The following TTYH1 variants were observed in gnomAD, a reference collection of about 807,000 sequenced individuals.
TTYH1 encodes protein tweety homolog 1.
In TTYH1, 33 loss-of-function variants were observed where a neutral mutation model predicts 61.2. The ratio of observed to expected loss-of-function variants is 0.54; its 90% CI spans 0.41 to 0.72. The LOEUF (loss-of-function observed/expected upper bound fraction) is 0.72. Ranked by LOEUF, TTYH1 falls within the 30% of genes least tolerant of loss-of-function variation. TTYH1 has a pLI of 0.00. For synonymous variants in TTYH1, 308 were observed against 266.4 expected, an observed-to-expected ratio of 1.16 and a Z score of -1.52; for missense variants, 538 against 575.8, an observed-to-expected ratio of 0.93 and a Z score of 0.67.
rs775532317 is a variant in TTYH1, at chr19:54,436,038, C to A, written c.1315-53C>A. 1.9e-6 allele frequency: 3 copies of A among 1,598,904 alleles called. No individual in the cohort carries two copies. Among genetic ancestry groups the A allele is most frequent in the Admixed American group, 1.7e-5 (1 of 59,894 alleles). On this transcript the variant is annotated intron_variant, in intron 12 of 13. Coordinates refer to ENST00000376530, the MANE Select transcript of TTYH1 (RefSeq NM_020659.4). This position sits in a 1 kb window ranked among gnomAD's most constrained non-coding sequence, Gnocchi z 4.3. ...GGGGCTGGGGTCCCACAGTACAAAGCCAATTCCCACTCCATTCCCTCCTCT... is the reference window on the plus strand; with the variant it reads ...GGGGCTGGGGTCCCACAGTACAAAGACAATTCCCACTCCATTCCCTCCTCT...
chr19:54,418,168 G>T (rs1166060855), intron 1 of TTYH1: 1 of 152,108 alleles, frequency 6.6e-6, no homozygotes, highest in African/African-American at 2.4e-5. Context: ...AAACCCCCTG[G>T]GCCACTGTGG....
rs3745433 is a variant in TTYH1 at position 54,419,257 on chromosome 19, G to C, written c.256G>C (p.Gly86Arg). 25 of 1,606,252 alleles carry C rather than the reference G, an allele frequency of 1.6e-5. No homozygotes were observed. Among genetic ancestry groups the C allele is most frequent in the Middle Eastern group, 1.6e-4 (1 of 6,076 alleles). ...CCCCGGGTCCAAGATCCCCTCGCCC[G>C]GGGGAGGCTGCGTCACCTGGAGCTG... The part of the protein sequence containing the change: ...EPPGSKIPSP[G>R]GGCVTWSCIV... Residue 86 changes from glycine (G) to arginine (R), a missense_variant, in exon 2 of 14, where the codon GGG (glycine) becomes CGG (arginine). By Grantham distance (125) the Gly-to-Arg change is moderately radical. Coordinates refer to ENST00000376530, the MANE Select transcript of TTYH1 (RefSeq NM_020659.4). The surrounding 1 kb of genome is among the most constrained non-coding windows in gnomAD (Gnocchi z 6.1).
At chr19:54,425,754 C>T (rs866403370) in intron 4 of TTYH1, among the ~76,000 whole-genome samples, 12 of 151,820 alleles carry the variant, frequency 7.9e-5, no homozygotes, top group African/African-American at 2.7e-4. Context: ...TCACTCTTGT[C>T]GCCCAGGCTG....
Position 54,421,345 on chromosome 19 carries a change from C to T in TTYH1, c.374C>T (p.Ala125Val). The T allele has an allele frequency of 2.5e-6, 4 of 1,613,668 alleles. No homozygotes were observed. The highest frequency in any genetic ancestry group is 1.3e-5 in the African/African-American group (1 of 75,020). The change falls in exon 3 of 14, where the codon GCG becomes GTG. Residue 125 changes from alanine (A) to valine (V), a missense_variant. By Grantham distance (64) the Ala-to-Val change is moderately conservative. Around this residue, in one of 3 missense-constraint regions of TTYH1, gnomAD observed 3 missense variants for 17.5 expected, o/e 0.17. Transcript: ENST00000376530. This position sits in a 1 kb window ranked among gnomAD's most constrained non-coding sequence, Gnocchi z 4.8. ...TSDGVSQLSS[A>V]LLHANHTLST... Reference sequence around the variant, plus strand: ...GATGGGGTGTCCCAGCTCAGCTCTGCGCTGCTGCACGCCAACCACACACTC... The same window carrying T: ...GATGGGGTGTCCCAGCTCAGCTCTGTGCTGCTGCACGCCAACCACACACTC...
At position 54,421,092 on chromosome 19, in the gene TTYH1, G is replaced by A. The variant is rs187923937; in HGVS notation, c.306-185G>A. Among the ~76,000 whole-genome samples, 134 of 152,154 alleles carry A rather than the reference G, an allele frequency of 8.8e-4. No individual in the cohort carries two copies. Among genetic ancestry groups the A allele is most frequent in the African/African-American group, 2.9e-3 (120 of 41,518 alleles). On this transcript the variant is annotated intron_variant, in intron 2 of 13. Transcript: ENST00000376530. The surrounding 1 kb of genome is among the most constrained non-coding windows in gnomAD (Gnocchi z 4.8). ...TCCGCTGGGGGAGTGAGGCCTTCCC[G>A]TTCCCTTGGCAACCGACGGGGGCCA...
chr19:54,425,055 C>A (rs1569258705), intron 4 of TTYH1, among the ~76,000 whole-genome samples: 1 of 152,184 alleles, frequency 6.6e-6, no homozygotes, highest in Non-Finnish European at 1.5e-5. Context: ...AGCCGTGGGT[C>A]ACGGAAGAGA....
intron 5 of TTYH1, among the ~76,000 whole-genome samples, chr19:54,427,441 T>G (rs576047819): frequency 1.7e-4 from 25 of 147,004 alleles, no homozygotes; most frequent in African/African-American, 6.1e-4. Context: ...CCATCTCTAC[T>G]AAAAATACAA....
intron 4 of TTYH1, among the ~76,000 whole-genome samples, chr19:54,424,021 C>T (rs1008337246): frequency 3.3e-5 from 5 of 151,970 alleles, no homozygotes; most frequent in East Asian, 1.9e-4. Context: ...ATTAGCCGGG[C>T]GTGGTGGTGG....
chr19:54,431,069 G>A, intron 9 of TTYH1, 30 bp from the exon 10 acceptor site: 3 of 1,574,876 alleles, frequency 1.9e-6, no homozygotes, highest in Non-Finnish European at 2.6e-6. Context: ...TGAAGAGTTC[G>A]TGGGAAAACG....
At chr19:54,428,837 G>C (rs2083379697) in intron 5 of TTYH1, among the ~76,000 whole-genome samples, 1 of 152,098 alleles carries the variant, frequency 6.6e-6, no homozygotes, top group Non-Finnish European at 1.5e-5. Context: ...CTTGCTTACT[G>C]GTCACCCTAC....
chr19:54,422,564 C>T (rs2083241071), intron 4 of TTYH1, among the ~76,000 whole-genome samples, 154 bp downstream of exon 4: 1 of 152,080 alleles, frequency 6.6e-6, no homozygotes, highest in Non-Finnish European at 1.5e-5. Flanking sequence ...AGGAACTGTT[C>T]AACACCCTGC....
intron 8 of TTYH1, 76 bp from the exon 9 acceptor site, chr19:54,430,737 C>T: frequency 6.3e-7 from 1 of 1,581,708 alleles, no homozygotes; most frequent in Non-Finnish European, 8.7e-7. Context: ...GGCCCGAGTG[C>T]TGTGTCCGGA....
intron 4 of TTYH1, among the ~76,000 whole-genome samples, chr19:54,424,891 T>C (rs2083291400): frequency 6.6e-6 from 1 of 152,138 alleles, no homozygotes; most frequent in Admixed American, 6.6e-5. Flanking sequence ...GTGCTGTTGT[T>C]ACGGCGGGTC....
rs2083534596 is a variant in TTYH1, at chr19:54,435,746, ACGGTGG to A, written c.1268+64_1268+69del. 7 of 1,611,684 alleles carry A rather than the reference ACGGTGG, an allele frequency of 4.3e-6. No homozygotes were observed. In the Middle Eastern group the frequency reaches 9.9e-4, roughly 228 times the overall value. ...AGAGGAGGGGCAGCACCTGGGGACC[ACGGTGG>A]CAGTGGGGGTGGGGGGTGCAGCCTC... On this transcript the variant is annotated intron_variant, in intron 11 of 13. Coordinates refer to ENST00000376530, the MANE Select transcript of TTYH1 (RefSeq NM_020659.4).
At chr19:54,425,398 C>G (rs1324783648) in intron 4 of TTYH1, among the ~76,000 whole-genome samples, 2 of 152,236 alleles carry the variant, frequency 1.3e-5, no homozygotes, top group Non-Finnish European at 2.9e-5. Flanking sequence ...CCGTTGCTGG[C>G]TGGAATGCCT....
rs551099007 is a variant in TTYH1 at position 54,420,598 on chromosome 19, A to G, written c.306-679A>G. On this transcript the variant is annotated intron_variant, in intron 2 of 13. Coordinates refer to ENST00000376530, the MANE Select transcript of TTYH1 (RefSeq NM_020659.4). This position sits in a 1 kb window ranked among gnomAD's most constrained non-coding sequence, Gnocchi z 4.8. Reference sequence around the variant, plus strand: ...TGGGGCCCCACATTCAGGTCCCACAATGGAGCTCTGTGTGTCGGTAGGGTG... The same window carrying G: ...TGGGGCCCCACATTCAGGTCCCACAGTGGAGCTCTGTGTGTCGGTAGGGTG... 5.4e-4 allele frequency: 86 copies of G among 159,564 alleles called. No individual in the cohort carries two copies. Among genetic ancestry groups the G allele is most frequent in the Non-Finnish European group, 7.3e-5 (5 of 68,036 alleles). 9.9% of individuals were successfully genotyped at this position (159,564 alleles called of 1,614,324 possible).
Position 54,426,797 on chromosome 19 carries a change from G to T in TTYH1, c.734+29G>T, listed in dbSNP as rs1242325731. 4 of 1,594,358 alleles carry T rather than the reference G, an allele frequency of 2.5e-6. No individual in the cohort carries two copies. In the Admixed American group the frequency reaches 6.7e-5, roughly 27 times the overall value. On this transcript the variant is annotated intron_variant, in intron 5 of 13. Transcript: ENST00000376530. ...AGTGCAGGCAGTAGGGGGACCCAGT[G>T]CTTGCCTGGCACTCTCCTGGCAGGC...
chr19:54,435,231 G>T, intron 10 of TTYH1: 1 of 348,108 alleles, frequency 2.9e-6, no homozygotes, highest in Non-Finnish European at 5.2e-6. Flanking sequence ...TTCTAGATGT[G>T]GGGTGCTGAC....
intron 4 of TTYH1, among the ~76,000 whole-genome samples, chr19:54,424,368 G>A (rs368895983): frequency 3.9e-4 from 60 of 152,322 alleles, no homozygotes; most frequent in African/African-American, 1.4e-3. Flanking sequence ...TTTATCCGAC[G>A]TCAGCTGGAG....
Sources: allele counts gnomAD v4.1 joint callset (sites outside exome capture counted in the v4.1 genomes callset), GRCh38; gene constraint gnomAD v4.1.1; regional missense constraint gnomAD v4.1.1; non-coding constraint Gnocchi (gnomAD v3.1); transcripts MANE v1.5; gene names NCBI Gene and HGNC (gene_info 2026-07-23, HGNC 2026-07-21).